Variants in CNGA1 observed in about 807,000 individuals in gnomAD.
CNGA1 encodes the protein cyclic nucleotide-gated channel alpha-1.
Under a neutral mutation model 69.7 loss-of-function variants are expected in CNGA1, and 53 were observed. The observed-to-expected ratio is 0.76, with a 90% confidence interval of 0.61 to 0.96. CNGA1 has a LOEUF of 0.96. CNGA1 is among the 40% of genes least tolerant of loss of function. CNGA1 has a pLI of 0.00. For missense variants in CNGA1, 739 were observed against 811.2 expected, an observed-to-expected ratio of 0.91 and a Z score of 1.08; for synonymous variants, 249 against 283.5, an observed-to-expected ratio of 0.88 and a Z score of 1.22.
Position 47,952,577 on chromosome 4 carries a change from A to G in CNGA1, c.107+6T>C, listed in dbSNP as rs753918197. On this transcript the variant is annotated splice_donor_region_variant and intron_variant, in intron 4 of 10. Transcript: ENST00000514170. ...TAAAAATGCATGGGAAAATGTTTGG[A>G]TTTACCTGCATGCTCCATTTTCCAT... is the stretch of plus-strand genomic sequence containing the variant. 2 of 1,612,402 alleles carry G rather than the reference A, an allele frequency of 1.2e-6. No individual in the cohort carries two copies. The highest frequency in any genetic ancestry group is 2.2e-5 in the East Asian group (1 of 44,738).
intron 3 of CNGA1, among the ~76,000 whole-genome samples, chr4:47,956,260 G>A (rs1361528575): frequency 5.3e-5 from 8 of 152,150 alleles, no homozygotes; most frequent in Admixed American, 3.3e-4. Flanking sequence ...ATTCTGAGGC[G>A]GCTATCCCCG....
intron 3 of CNGA1, among the ~76,000 whole-genome samples, chr4:47,955,080 T>C (rs1395868767): frequency 6.6e-6 from 1 of 152,272 alleles, no homozygotes; most frequent in Middle Eastern, 3.4e-3. Context: ...TTTTGTTACT[T>C]AACAGTTTTG....
intron 2 of CNGA1, among the ~76,000 whole-genome samples, chr4:47,997,563 G>C (rs1403387939): frequency 6.6e-6 from 1 of 152,028 alleles, no homozygotes; most frequent in African/African-American, 2.4e-5. Context: ...ATAAAATAGA[G>C]ATATACATAA....
At position 47,989,727 on chromosome 4, in the gene CNGA1, G is replaced by A. The variant is rs1245137001; in HGVS notation, c.-122-8227C>T. On this transcript the variant is annotated intron_variant, in intron 2 of 10. Coordinates refer to ENST00000514170, the MANE Select transcript of CNGA1 (RefSeq NM_001379270.1). ...TAAGTTCTTTTGTGGTGATTTGTGAGATTTCATTGCACCCATTGCCCAAGC... is the reference window on the plus strand; with the variant it reads ...TAAGTTCTTTTGTGGTGATTTGTGAAATTTCATTGCACCCATTGCCCAAGC... 2.0e-5 allele frequency among the ~76,000 whole-genome samples: 3 copies of A among 149,260 alleles called. No individual in the cohort carries two copies. In the South Asian group the frequency reaches 6.2e-4, roughly 31 times the overall value.
intron 3 of CNGA1, among the ~76,000 whole-genome samples, chr4:47,959,424 A>G (rs999567824): frequency 8.4e-5 from 11 of 131,246 alleles, no homozygotes; most frequent in Admixed American, 7.3e-4. Context: ...TTAAAAGTAC[A>G]TGGAGAAAAA....
chr4:47,972,084 A>G (rs1474059734), intron 3 of CNGA1, among the ~76,000 whole-genome samples: 1 of 152,144 alleles, frequency 6.6e-6, no homozygotes, highest in African/African-American at 2.4e-5. Context: ...CATGTATTTT[A>G]AGTTTGCAAA....
chr4:47,942,032 T>C lies in CNGA1; in HGVS notation c.545+9A>G, dbSNP rs1340451716. 3 of 1,521,948 alleles carry C rather than the reference T, an allele frequency of 2.0e-6. No homozygotes were observed. The highest frequency in any genetic ancestry group is 2.3e-5 in the South Asian group (2 of 86,254). 94.3% of individuals were successfully genotyped at this position (1,521,948 alleles called of 1,614,324 possible). ...ATCCACAAAAAAAAAAAAAAAAAAT[T>C]ATAGACACCTGGCAATAACCATTGT... is the stretch of plus-strand genomic sequence containing the variant. On this transcript the variant is annotated intron_variant, in intron 9 of 10. Coordinates refer to ENST00000514170, the MANE Select transcript of CNGA1 (RefSeq NM_001379270.1).
intron 2 of CNGA1, among the ~76,000 whole-genome samples, chr4:47,982,070 A>G (rs564104074): frequency 6.6e-6 from 1 of 152,358 alleles, no homozygotes; most frequent in African/African-American, 2.4e-5. Flanking sequence ...CTTTAGATGT[A>G]TAAAAATCAT....
intron 3 of CNGA1, among the ~76,000 whole-genome samples, chr4:47,970,454 C>T (rs1172123392): frequency 6.6e-6 from 1 of 151,948 alleles, no homozygotes; most frequent in East Asian, 1.9e-4. Context: ...ATTTCGAGGC[C>T]AGCCTGACCA....
At position 47,964,479 on chromosome 4, in the gene CNGA1, T is replaced by C. The variant is rs538077300; in HGVS notation, c.-14-11776A>G. Among the ~76,000 whole-genome samples the C allele has an allele frequency of 2.7e-4, 41 of 152,124 alleles. No homozygotes were observed. The East Asian group carries it at 7.1e-3, about 26-fold the overall frequency. On this transcript the variant is annotated intron_variant, in intron 3 of 10. Coordinates refer to ENST00000514170, the MANE Select transcript of CNGA1 (RefSeq NM_001379270.1). ...ACATAATCACTTTTAAAAATAGAAA[T>C]TATAAACAGAAAAAGACATTTGAAA...
intron 3 of CNGA1, among the ~76,000 whole-genome samples, chr4:47,976,252 T>C (rs1384797985): frequency 1.1e-4 from 5 of 47,158 alleles, no homozygotes; most frequent in Non-Finnish European, 1.6e-4. Flanking sequence ...TATATATATA[T>C]ACACATACAT....
chr4:47,948,244 G>A (rs1560624182), intron 6 of CNGA1, among the ~76,000 whole-genome samples: 1 of 151,572 alleles, frequency 6.6e-6, no homozygotes, highest in South Asian at 2.1e-4. Context: ...CCTATCATAA[G>A]CTGCACACCT....
chr4:48,007,542 T>C (rs1191366282), intron 2 of CNGA1, among the ~76,000 whole-genome samples: 1 of 152,198 alleles, frequency 6.6e-6, no homozygotes, highest in East Asian at 1.9e-4. Flanking sequence ...TTAATTGCTG[T>C]CGGTGTTTTA....
At chr4:47,956,205 T>C (rs981132704) in intron 3 of CNGA1, among the ~76,000 whole-genome samples, 1 of 152,222 alleles carries the variant, frequency 6.6e-6, no homozygotes, top group African/African-American at 2.4e-5. Context: ...GGATCTTCCA[T>C]TTCTGCTATG....
intron 2 of CNGA1, among the ~76,000 whole-genome samples, chr4:47,990,708 G>A (rs1222840478): frequency 6.6e-6 from 1 of 152,030 alleles, no homozygotes; most frequent in Non-Finnish European, 1.5e-5. Flanking sequence ...ATATGTGATG[G>A]CACTCCCGGA....
chr4:47,959,038 T>C (rs1264784070), intron 3 of CNGA1: 2 of 152,128 alleles, frequency 1.3e-5, no homozygotes, highest in Non-Finnish European at 2.9e-5. Flanking sequence ...ATTAACAACA[T>C]AAAGAAGAAA....
chr4:48,013,381 T>C (rs1482005125), intron 1 of CNGA1, among the ~76,000 whole-genome samples: 1 of 152,142 alleles, frequency 6.6e-6, no homozygotes, highest in Non-Finnish European at 1.5e-5. Flanking sequence ...GTGCCCAAGG[T>C]GGTCAGAGCA....
intron 3 of CNGA1, among the ~76,000 whole-genome samples, chr4:47,960,600 A>C (rs1271011231): frequency 6.6e-6 from 1 of 152,208 alleles, no homozygotes; most frequent in Non-Finnish European, 1.5e-5. Flanking sequence ...AAATGAAATA[A>C]TATGTATATA....
chr4:47,995,854 C>T lies in CNGA1; in HGVS notation c.-122-14354G>A, dbSNP rs1742455416. Among the ~76,000 whole-genome samples, 4 of 152,132 alleles carry T rather than the reference C, an allele frequency of 2.6e-5. No homozygotes were observed. In the South Asian group the frequency reaches 6.2e-4, roughly 24 times the overall value. On this transcript the variant is annotated intron_variant, in intron 2 of 10. Coordinates refer to ENST00000514170, the MANE Select transcript of CNGA1 (RefSeq NM_001379270.1). Reference sequence around the variant, plus strand: ...CAGGGTGTTCCCTTGATGTAGTACTCTCACCCTTTTCCTATGGATGTAGCT... The same window carrying T: ...CAGGGTGTTCCCTTGATGTAGTACTTTCACCCTTTTCCTATGGATGTAGCT...
Sources: gnomAD v4.1 joint callset for allele counts (sites outside exome capture counted in the v4.1 genomes callset) on GRCh38, gnomAD v4.1.1 for gene constraint, MANE v1.5 for transcripts, NCBI Gene and HGNC (gene_info 2026-07-23, HGNC 2026-07-21) for gene names.